Variants in BOC observed in about 807,000 individuals in gnomAD.
The protein encoded by BOC is brother of CDO.
In BOC, 76 loss-of-function variants were observed where a neutral mutation model predicts 112.0. The ratio of observed to expected loss-of-function variants is 0.68; its 90% confidence interval spans 0.56 to 0.82. BOC has a LOEUF of 0.82. BOC is among the 40% of genes least tolerant of loss of function. The probability of loss-of-function intolerance (pLI) is 0.00; values close to 1 mark genes in which losing one functional copy is unlikely to be tolerated. For missense variants in BOC, 1,309 were observed against 1,511.7 expected, an observed-to-expected ratio of 0.87 and a Z score of 2.22; for synonymous variants, 580 against 599.8, an observed-to-expected ratio of 0.97 and a Z score of 0.48.
Position 113,274,319 on chromosome 3 carries a change from C to T in BOC, c.1235-56C>T. On this transcript the variant is annotated intron_variant, in intron 8 of 19. Transcript: ENST00000682979. This position sits in a 1 kb window ranked among gnomAD's most constrained non-coding sequence, Gnocchi z 4.8. ...TCTGTTTTCTCCCCAGGAACAACAG[C>T]TCAGCAGGTAAACCAGGAGACTAAC... 1 of 1,455,066 alleles carries T rather than the reference C, an allele frequency of 6.9e-7. No homozygotes were observed. The highest frequency in any genetic ancestry group is 9.1e-7 in the Non-Finnish European group (1 of 1,098,802). 90.1% of individuals were successfully genotyped at this position (1,455,066 alleles called of 1,614,324 possible).
At chr3:113,219,697 C>T (rs73235127) in intron 2 of BOC, among the ~76,000 whole-genome samples, 2,757 of 152,206 alleles carry the variant, frequency 0.018, 44 homozygotes, top group Middle Eastern at 0.034. Context: ...TGTTAAGAGA[C>T]TCAAATTTAA....
At position 113,272,664 on chromosome 3, in the gene BOC, C is replaced by T. The variant is rs768911726; in HGVS notation, c.922C>T (p.Pro308Ser). 3.1e-6 allele frequency: 5 copies of T among 1,613,692 alleles called. No individual in the cohort carries two copies. The highest frequency in any genetic ancestry group is 4.2e-6 in the Non-Finnish European group (5 of 1,179,958). Residue 308 changes from proline (P) to serine (S), a missense_variant, in exon 7 of 20, where the codon CCC becomes TCC. Transcript: ENST00000682979. Reference protein sequence around the residue: ...RCMADNGVGQPGAAVILYNVQ... With the variant: ...RCMADNGVGQSGAAVILYNVQ... ...CATGGCCGACAATGGGGTTGGGCAG[C>T]CCGGGGCAGCGGTCATCCTCTACAA...
chr3:113,268,174 AT>A (rs554185873), intron 4 of BOC, 124 bp from the exon 5 acceptor site: 8 of 1,418,412 alleles, frequency 5.6e-6, no homozygotes, highest in Non-Finnish European at 7.6e-6. Context: ...AACTCGGAGG[AT>A]CCCCTGATAT....
Position 113,284,872 on chromosome 3 carries a change from T to A in BOC, c.2966+14T>A, listed in dbSNP as rs1949525118. 3 of 1,612,464 alleles carry A rather than the reference T, an allele frequency of 1.9e-6. No individual in the cohort carries two copies. The highest frequency in any genetic ancestry group is 2.7e-5 in the African/African-American group (2 of 74,988). The stretch of plus-strand genomic sequence containing the variant: ...CCAGATCACGAGGTAACCAGGCCTC[T>A]CCCCTTTCACTCCCAAGCCCCACAG... On this transcript the variant is annotated intron_variant, in intron 18 of 19. Coordinates refer to ENST00000682979, the MANE Select transcript of BOC (RefSeq NM_001378074.1).
At chr3:113,215,918 G>A (rs1365123236) in intron 1 of BOC, among the ~76,000 whole-genome samples, 1 of 152,160 alleles carries the variant, frequency 6.6e-6, no homozygotes, top group African/African-American at 2.4e-5. Context: ...GATGACTATT[G>A]ATGAAAATGG....
intron 2 of BOC, among the ~76,000 whole-genome samples, chr3:113,236,001 T>C (rs769830039): frequency 3.3e-5 from 5 of 151,916 alleles, no homozygotes; most frequent in South Asian, 4.2e-4. Context: ...GAAAACAGTA[T>C]GGAGATTTCT....
intron 14 of BOC, 68 bp downstream of exon 14, chr3:113,280,731 G>T (rs1036603428): frequency 7.6e-7 from 1 of 1,319,022 alleles, no homozygotes; most frequent in Non-Finnish European, 1.1e-6. Context: ...GGGGGACAAG[G>T]TATTGGTGAA....
At chr3:113,216,726 T>G (rs1939455202) in intron 2 of BOC, among the ~76,000 whole-genome samples, 3 of 152,190 alleles carry the variant, frequency 2.0e-5, no homozygotes, top group Admixed American at 2.0e-4. Context: ...AGGAAATAAT[T>G]TCTCTTTTCC....
chr3:113,248,600 C>G, intron 2 of BOC, among the ~76,000 whole-genome samples: 1 of 152,150 alleles, frequency 6.6e-6, no homozygotes, highest in Admixed American at 6.5e-5. Context: ...GATACCCCAT[C>G]CTTATTTGTT....
chr3:113,224,243 C>G (rs1007683349), intron 2 of BOC, among the ~76,000 whole-genome samples: 1 of 152,188 alleles, frequency 6.6e-6, no homozygotes, highest in African/African-American at 2.4e-5. Flanking sequence ...CCAGTGGTGT[C>G]TGTGTTGAGC....
At chr3:113,243,962 G>C (rs1342227063) in intron 2 of BOC, among the ~76,000 whole-genome samples, 1 of 152,188 alleles carries the variant, frequency 6.6e-6, no homozygotes, top group African/African-American at 2.4e-5. Flanking sequence ...TGAGCTAATT[G>C]CTTCGATCTT....
At chr3:113,284,659 C>T (rs1404078485) in intron 17 of BOC, 92 bp downstream of exon 17, 2 of 1,522,004 alleles carry the variant, frequency 1.3e-6, no homozygotes, top group Non-Finnish European at 1.8e-6. Flanking sequence ...CCTAGGGTCT[C>T]AGGCTGGGCT....
intron 9 of BOC, among the ~76,000 whole-genome samples, chr3:113,277,506 T>C (rs1490523493): frequency 1.3e-5 from 2 of 152,224 alleles, no homozygotes; most frequent in Non-Finnish European, 2.9e-5. Flanking sequence ...TTGAGCAAAT[T>C]GCTCATTTCT....
At position 113,270,953 on chromosome 3, in the gene BOC, C is replaced by T. The variant is rs376527874; in HGVS notation, c.667+9C>T. ...CAGGCTACGTGTGCGCCGTAAGGCC[C>T]GGGCCCACCTGCTGGGGGATGGGGG... is the stretch of plus-strand genomic sequence containing the variant. On this transcript the variant is annotated intron_variant, in intron 6 of 19. Transcript: ENST00000682979. The T allele has an allele frequency of 1.2e-4, 193 of 1,613,962 alleles. 1 individual carries two copies. The highest frequency in any genetic ancestry group is 2.0e-4 in the Admixed American group (12 of 60,006).
chr3:113,216,144 G>A (rs1939327456), intron 1 of BOC, 43 bp from the exon 2 acceptor site: 1 of 443,610 alleles, frequency 2.3e-6, no homozygotes, highest in Admixed American at 2.4e-5. Context: ...CTTCAGAACT[G>A]TTTATTTTGT....
At chr3:113,241,827 C>T (rs1217069705) in intron 2 of BOC, among the ~76,000 whole-genome samples, 1 of 152,154 alleles carries the variant, frequency 6.6e-6, no homozygotes, top group African/African-American at 2.4e-5. Flanking sequence ...CCCTCCCCAC[C>T]TCCCCCTACT....
intron 2 of BOC, among the ~76,000 whole-genome samples, chr3:113,219,801 G>A (rs1039505060): frequency 3.9e-5 from 6 of 152,152 alleles, no homozygotes; most frequent in Non-Finnish European, 8.8e-5. Context: ...AGACTTTGCG[G>A]CCAATGGCTT....
intron 8 of BOC, among the ~76,000 whole-genome samples, chr3:113,273,825 G>A (rs1948393735): frequency 6.6e-6 from 1 of 152,208 alleles, no homozygotes; most frequent in Admixed American, 6.5e-5. Context: ...GGGTGCCCAT[G>A]TCCTGTGGTG....
At chr3:113,269,105 T>C (rs1947831517) in intron 5 of BOC, among the ~76,000 whole-genome samples, 1 of 152,240 alleles carries the variant, frequency 6.6e-6, no homozygotes. Context: ...ACAGGAAGGC[T>C]GCCTAATAAG....
Sources: gnomAD v4.1 joint callset for allele counts (sites outside exome capture counted in the v4.1 genomes callset) on GRCh38, gnomAD v4.1.1 for gene constraint, Gnocchi (gnomAD v3.1) non-coding constraint, MANE v1.5 for transcripts, NCBI Gene and HGNC (gene_info 2026-07-23, HGNC 2026-07-21) for gene names.